NEK7: variants seen among roughly 807,000 people sequenced by gnomAD.
NEK7 encodes NIMA related kinase 7.
Under a neutral mutation model 44.6 loss-of-function variants are expected in NEK7, and 18 were observed. The ratio of observed to expected loss-of-function variants is 0.40; its 90% CI spans 0.28 to 0.60. The LOEUF is 0.60. Among genes scored for constraint, NEK7 ranks in the 20% least tolerant of loss-of-function variants. The pLI is 0.38. For missense variants in NEK7, 256 were observed against 366.5 expected (o/e 0.70, Z 2.46); for synonymous variants, 130 against 121.1 (o/e 1.07, Z -0.48).
At position 198,320,901 on chromosome 1, in the gene NEK7, C is replaced by A. The variant is rs573924172; in HGVS notation, c.*1379C>A. The A allele has an allele frequency of 3.5e-4, 53 of 152,338 alleles. No individual in the cohort carries two copies. The highest frequency in any genetic ancestry group is 1.2e-3 in the African/African-American group (51 of 41,544). 9.4% of individuals were successfully genotyped at this position (152,338 alleles called of 1,614,324 possible). A position where few individuals can be genotyped will look rare whatever the true frequency, so the allele number is the denominator to read the frequency against. On this transcript the variant is annotated 3_prime_UTR_variant, in exon 10 of 10. Coordinates refer to ENST00000367385, the MANE Select transcript of NEK7 (RefSeq NM_133494.3). Reference sequence around the variant, plus strand: ...ACTTCGTGTAGCTTAAGGAAATGGGCAGAATTTCGTAAATGCTGTTGTGCA... The same window carrying A: ...ACTTCGTGTAGCTTAAGGAAATGGGAAGAATTTCGTAAATGCTGTTGTGCA...
At chr1:198,256,621 C>T (rs1322127773) in intron 3 of NEK7, 2 of 1,078,244 alleles carry the variant, frequency 1.9e-6, no homozygotes, top group Non-Finnish European at 2.6e-6. Flanking sequence ...ATTTATTGGC[C>T]ACCTAGTGTT....
At chr1:198,277,082 C>T (rs903431885) in intron 5 of NEK7, among the ~76,000 whole-genome samples, 2 of 151,662 alleles carry the variant, frequency 1.3e-5, no homozygotes, top group Non-Finnish European at 3.0e-5. Context: ...AAACCTATTA[C>T]AATGCAATAT....
chr1:198,186,744 T>C (rs1055894811), intron 1 of NEK7, among the ~76,000 whole-genome samples: 8 of 152,156 alleles, frequency 5.3e-5, no homozygotes, highest in African/African-American at 1.7e-4. Context: ...ATCCAGTTTA[T>C]CTCATACAAC....
At chr1:198,181,266 C>A (rs1664758750) in intron 1 of NEK7, among the ~76,000 whole-genome samples, 1 of 152,016 alleles carries the variant, frequency 6.6e-6, no homozygotes, top group Non-Finnish European at 1.5e-5. Context: ...ATTAATTGAT[C>A]ATTGACTTCT....
chr1:198,169,010 T>G lies in NEK7; in HGVS notation c.-29+11734T>G, dbSNP rs116821565. Among the ~76,000 whole-genome samples the G allele has an allele frequency of 4.4e-3, 673 of 152,342 alleles. 4 individuals carry two copies. The highest frequency in any genetic ancestry group is 0.016 in the African/African-American group (653 of 41,582). ...TCATTTGAAAAGATTATTCTGAGAT[T>G]TCTCTGTATTATAAAATTAGTATAT... is the stretch of plus-strand genomic sequence containing the variant. On this transcript the variant is annotated intron_variant, in intron 1 of 9. Transcript: ENST00000367385.
chr1:198,238,004 G>C (rs1008202366), intron 2 of NEK7, among the ~76,000 whole-genome samples: 1 of 152,118 alleles, frequency 6.6e-6, no homozygotes, highest in Admixed American at 6.6e-5. Flanking sequence ...AATATTTGTT[G>C]AGTGAATACA....
chr1:198,225,601 AT>A (rs1274769109), intron 1 of NEK7, among the ~76,000 whole-genome samples: 1 of 151,878 alleles, frequency 6.6e-6, no homozygotes, highest in African/African-American at 2.4e-5. Context: ...GGATATCATA[AT>A]TTTTTTCCAT....
At chr1:198,293,936 A>C (rs1355885827) in intron 8 of NEK7, among the ~76,000 whole-genome samples, 1 of 151,938 alleles carries the variant, frequency 6.6e-6, no homozygotes, top group Non-Finnish European at 1.5e-5. Context: ...TGCATTTCCT[A>C]CTATATATAT....
intron 2 of NEK7, among the ~76,000 whole-genome samples, chr1:198,234,650 C>T (rs960467878): frequency 2.6e-5 from 4 of 152,190 alleles, no homozygotes; most frequent in African/African-American, 9.7e-5. Flanking sequence ...TCCTGTGAGA[C>T]ACTGGGCTGC....
At chr1:198,177,514 A>G (rs1664639121) in intron 1 of NEK7, among the ~76,000 whole-genome samples, 1 of 152,140 alleles carries the variant, frequency 6.6e-6, no homozygotes, top group African/African-American at 2.4e-5. Flanking sequence ...TTGAAAATGT[A>G]CTATTAAGAG....
chr1:198,180,291 T>C (rs1461672936), intron 1 of NEK7, among the ~76,000 whole-genome samples: 1 of 152,006 alleles, frequency 6.6e-6, no homozygotes, highest in Non-Finnish European at 1.5e-5. Flanking sequence ...TAACGAAGTA[T>C]CATAATTTAG....
chr1:198,289,537 A>C (rs577511561), intron 7 of NEK7, among the ~76,000 whole-genome samples: 1 of 152,278 alleles, frequency 6.6e-6, no homozygotes, highest in African/African-American at 2.4e-5. Context: ...TTAGTGGCAA[A>C]TGTAAGATGT....
chr1:198,263,655 A>G (rs1653553770), intron 4 of NEK7, among the ~76,000 whole-genome samples: 1 of 151,982 alleles, frequency 6.6e-6, no homozygotes, highest in Non-Finnish European at 1.5e-5. Flanking sequence ...ATAGTTAGAT[A>G]TAGTATAGTA....
At chr1:198,275,875 A>C (rs985206885) in intron 5 of NEK7, among the ~76,000 whole-genome samples, 1 of 151,588 alleles carries the variant, frequency 6.6e-6, no homozygotes, top group African/African-American at 2.4e-5. Context: ...CCCTATACTT[A>C]AGGAATGGTT....
At chr1:198,292,357 G>A (rs1160313845) in intron 7 of NEK7, among the ~76,000 whole-genome samples, 1 of 151,880 alleles carries the variant, frequency 6.6e-6, no homozygotes, top group Non-Finnish European at 1.5e-5. Flanking sequence ...TTTTTCCAGA[G>A]ATGCCAGTGC....
chr1:198,310,628 A>G (rs906876339), intron 9 of NEK7, among the ~76,000 whole-genome samples: 1 of 151,928 alleles, frequency 6.6e-6, no homozygotes, highest in African/African-American at 2.4e-5. Context: ...TATAAGGTGT[A>G]AGGAAGGGAT....
chr1:198,168,330 G>C (rs1233532010), intron 1 of NEK7, among the ~76,000 whole-genome samples: 4 of 152,184 alleles, frequency 2.6e-5, no homozygotes, highest in African/African-American at 9.7e-5. Context: ...ACGGTATCTG[G>C]TTAGAAAATG....
chr1:198,249,351 A>G (rs1288206764), intron 2 of NEK7, among the ~76,000 whole-genome samples: 3 of 151,960 alleles, frequency 2.0e-5, no homozygotes, highest in Non-Finnish European at 4.4e-5. Context: ...CAATAAACAT[A>G]TGTGTGCATG....
intron 3 of NEK7, among the ~76,000 whole-genome samples, chr1:198,258,216 A>C (rs891136734): frequency 6.6e-6 from 1 of 152,158 alleles, no homozygotes; most frequent in Non-Finnish European, 1.5e-5. Flanking sequence ...TGAGGCGGGC[A>C]GATGACGAAG....
Sources: allele counts gnomAD v4.1 joint callset (sites outside exome capture counted in the v4.1 genomes callset), GRCh38; gene constraint gnomAD v4.1.1; transcripts MANE v1.5; gene names NCBI Gene and HGNC (gene_info 2026-07-23, HGNC 2026-07-21).